The following ITGB2 variants were observed in gnomAD, a reference collection of about 807,000 sequenced individuals.
ITGB2 encodes integrin subunit beta 2, also known as integrin beta-2.
Under a neutral mutation model 86.8 loss-of-function variants are expected in ITGB2, and 56 were observed. The ratio of observed to expected loss-of-function variants is 0.65; its 90% CI spans 0.52 to 0.81. The LOEUF is 0.81. Among genes scored for constraint, ITGB2 ranks in the 30% least tolerant of loss-of-function variants. The pLI is 0.00. For missense variants in ITGB2, 948 were observed against 1,061.2 expected (o/e 0.89, Z 1.48); for synonymous variants, 457 against 450.4 (o/e 1.01, Z -0.19).
intron 1 of ITGB2, among the ~76,000 whole-genome samples, chr21:44,914,526 C>T (rs1276317564): frequency 6.6e-6 from 1 of 152,212 alleles, no homozygotes; most frequent in African/African-American, 2.4e-5. Flanking sequence ...AACATTCAGG[C>T]TCTGAGACAC....
At chr21:44,902,978 T>G (rs2083987944) in intron 5 of ITGB2, among the ~76,000 whole-genome samples, 1 of 152,228 alleles carries the variant, frequency 6.6e-6, no homozygotes, top group African/African-American at 2.4e-5. Context: ...AGCGGAGCCC[T>G]TGGCCCAGCA....
chr21:44,890,146 A>G lies in ITGB2; in HGVS notation c.1489T>C (p.Cys497Arg). Residue 497 changes from cysteine (C) to arginine (R), a missense_variant, in exon 12 of 16, where the codon TGC becomes CGC. By Grantham distance (180) the Cys-to-Arg change is radical. Coordinates refer to ENST00000652462, the MANE Select transcript of ITGB2 (RefSeq NM_000211.5). ...ATGATGGAGTTGTTGTCCTTCCGGC[A>G]GCTTCCTTCCAGCTCCTGGCTGCTC... The part of the protein sequence containing the change: ...GRSSQELEGS[C>R]RKDNNSIICS... 1.2e-6 allele frequency: 2 copies of G among 1,613,396 alleles called. No individual in the cohort carries two copies. The highest frequency in any genetic ancestry group is 1.7e-6 in the Non-Finnish European group (2 of 1,180,016).
At position 44,918,939 on chromosome 21, in the gene ITGB2, G is replaced by GTCCCCTCTCCCAGCACTCGGAGCTGAGCA. The variant is rs1568909510; in HGVS notation, c.-4+1881_-4+1882insTGCTCAGCTCCGAGTGCTGGGAGAGGGGA. 6.4e-3 allele frequency among the ~76,000 whole-genome samples: 485 copies of GTCCCCTCTCCCAGCACTCGGAGCTGAGCA among 75,200 alleles called. 5 individuals carry two copies. Among genetic ancestry groups the GTCCCCTCTCCCAGCACTCGGAGCTGAGCA allele is most frequent in the South Asian group, 0.022 (72 of 3,258 alleles). 49.3% of individuals were successfully genotyped at this position (75,200 alleles called of 152,430 possible). On this transcript the variant is annotated intron_variant, in intron 1 of 15. Transcript: ENST00000652462. ...GGCAAAGGCCCTTGGGTGGCTAAGC[G>GTCCCCTCTCCCAGCACTCGGAGCTGAGCA]TCCCCTCTCCCAGCACTCGGAGCTG...
In ITGB2 at chr21:44,910,351, T is replaced by C. The variant is rs568718880; in HGVS notation, c.80A>G (p.Lys27Arg). The stretch of plus-strand genomic sequence containing the variant: ...TTCCCGGCAGCTGCTGACCTTGAAC[T>C]TCGTGCACTCCTGAGAGAGGACTGA... ...LGCVLSQECTKFKVSSCRECI... is the reference protein window; with the variant it reads ...LGCVLSQECTRFKVSSCRECI... The change falls in exon 3 of 16, where the codon AAG (lysine) becomes AGG (arginine). Residue 27 changes from lysine (K) to arginine (R), a missense_variant. Physicochemically the swap from Lys to Arg is conservative, Grantham distance 26 (BLOSUM62 2). Transcript: ENST00000652462. 1.2e-5 allele frequency: 19 copies of C among 1,614,074 alleles called. No individual in the cohort carries two copies. In the East Asian group the frequency reaches 4.2e-4, roughly 36 times the overall value.
At chr21:44,889,568 G>A in intron 12 of ITGB2, 73 bp from the exon 13 acceptor site, 1 of 1,364,274 alleles carries the variant, frequency 7.3e-7, no homozygotes, top group Non-Finnish European at 1.0e-6. Context: ...CCCCACTGCG[G>A]TTGCTCCCTC....
intron 1 of ITGB2, among the ~76,000 whole-genome samples, chr21:44,913,607 G>A (rs1471432782): frequency 6.6e-6 from 1 of 152,310 alleles, no homozygotes; most frequent in South Asian, 2.1e-4. Context: ...CCCAATGCCA[G>A]TGGCTGAGCC....
chr21:44,908,087 A>T, intron 3 of ITGB2: 1 of 719,126 alleles, frequency 1.4e-6, no homozygotes, highest in Non-Finnish European at 2.6e-6. Flanking sequence ...GGGCCTGGCC[A>T]CCCTGCTCAG....
At chr21:44,919,288 G>A (rs983526980) in intron 1 of ITGB2, among the ~76,000 whole-genome samples, 20 of 151,904 alleles carry the variant, frequency 1.3e-4, no homozygotes, top group African/African-American at 4.9e-4. Flanking sequence ...GACGTAGCCA[G>A]GGACCTCTTC....
chr21:44,895,148 C>T, intron 8 of ITGB2, 88 bp from the exon 9 acceptor site: 1 of 960,900 alleles, frequency 1.0e-6, no homozygotes, highest in Non-Finnish European at 1.7e-6. Context: ...GGCTTCTGCA[C>T]CTGCAAAATG....
intron 1 of ITGB2, among the ~76,000 whole-genome samples, chr21:44,919,602 C>T (rs2084267895): frequency 1.3e-5 from 2 of 152,206 alleles, no homozygotes; most frequent in Admixed American, 1.3e-4. Context: ...AGCCCCCAAA[C>T]CCGCAGGCGT....
chr21:44,901,168 G>C (rs531938858), intron 6 of ITGB2, among the ~76,000 whole-genome samples: 1 of 152,192 alleles, frequency 6.6e-6, no homozygotes, highest in South Asian at 2.1e-4. Context: ...CAGGAACCAC[G>C]GGACCTGCTG....
In ITGB2 at chr21:44,893,441, G is replaced by A. The variant is rs998582323; in HGVS notation, c.1187C>T (p.Pro396Leu). The change falls in exon 10 of 16, where the codon CCC (proline) becomes CTC (leucine). Residue 396 changes from proline to leucine, a missense_variant. Coordinates refer to ENST00000652462, the MANE Select transcript of ITGB2 (RefSeq NM_000211.5). ...CSNGVTHRNQ[P>L]RGDCDGVQIN... ...CTGCACGCCATCACAGTCACCTCTGGGCTGGTTCCTGTGCGTCACTCCATT... is the reference window on the plus strand; with the variant it reads ...CTGCACGCCATCACAGTCACCTCTGAGCTGGTTCCTGTGCGTCACTCCATT... 3.7e-6 allele frequency: 6 copies of A among 1,614,016 alleles called. No individual in the cohort carries two copies. The highest frequency in any genetic ancestry group is 1.7e-5 in the Admixed American group (1 of 60,004).
Position 44,893,557 on chromosome 21 carries a change from AG to A in ITGB2, c.1084-14del. ...TGGAGGAGAGTTTCTGCGGGCAGAG[AG>A]CGGTTACTCTTGGGGGCGAGTGTTT... On this transcript the variant is annotated splice_polypyrimidine_tract_variant and intron_variant, in intron 9 of 15. Transcript: ENST00000652462. 1 of 1,613,160 alleles carries A rather than the reference AG, an allele frequency of 6.2e-7. No homozygotes were observed. The highest frequency in any genetic ancestry group is 8.5e-7 in the Non-Finnish European group (1 of 1,179,500).
At chr21:44,895,851 G>T (rs2083857469) in intron 8 of ITGB2, among the ~76,000 whole-genome samples, 1 of 132,620 alleles carries the variant, frequency 7.5e-6, no homozygotes, top group African/African-American at 3.3e-5. Context: ...AAAATGAAAT[G>T]AAATGAAATG....
Position 44,886,063 on chromosome 21 carries a change from A to G in ITGB2, c.*305T>C. 1 of 469,248 alleles carries G rather than the reference A, an allele frequency of 2.1e-6. No homozygotes were observed. The highest frequency in any genetic ancestry group is 2.3e-5 in the South Asian group (1 of 42,882). 29.1% of individuals were successfully genotyped at this position (469,248 alleles called of 1,614,324 possible). ...TACCCTGACAAGTTTAAATGTAAAT[A>G]AATTGGCACCACCTTTAATCAGACT... On this transcript the variant is annotated 3_prime_UTR_variant, in exon 16 of 16. Coordinates refer to ENST00000652462, the MANE Select transcript of ITGB2 (RefSeq NM_000211.5).
In ITGB2 at chr21:44,892,604, CAAAA is replaced by C. The variant is rs11327948; in HGVS notation, c.1225-612_1225-609del. On this transcript the variant is annotated intron_variant, in intron 10 of 15. Transcript: ENST00000652462. ...TGGGCGACAGAGCGAAACTCCATCTCAAAAAAAAAAAAAAAAAAAAAAATCCACA... is the reference window on the plus strand; with the variant it reads ...TGGGCGACAGAGCGAAACTCCATCTCAAAAAAAAAAAAAAAAAAATCCACA... Among the ~76,000 whole-genome samples, 627 of 71,140 alleles carry C rather than the reference CAAAA, an allele frequency of 8.8e-3. 4 individuals carry two copies. Among genetic ancestry groups the C allele is most frequent in the African/African-American group, 0.032 (577 of 18,272 alleles). 46.7% of individuals were successfully genotyped at this position (71,140 alleles called of 152,430 possible). A position where few individuals can be genotyped will look rare whatever the true frequency, so the allele number is the denominator to read the frequency against.
intron 1 of ITGB2, among the ~76,000 whole-genome samples, chr21:44,925,973 C>T (rs1306519615): frequency 1.3e-5 from 2 of 152,092 alleles, no homozygotes; most frequent in East Asian, 1.9e-4. Flanking sequence ...GGCATGGTGG[C>T]GGGTGCCTGT....
chr21:44,913,202 G>C (rs1472841367), intron 1 of ITGB2, among the ~76,000 whole-genome samples: 4 of 152,098 alleles, frequency 2.6e-5, no homozygotes, highest in Non-Finnish European at 5.9e-5. Context: ...GGGAGGGGGT[G>C]CAGACCTCCC....
chr21:44,896,182 A>T (rs1180731193), intron 8 of ITGB2, among the ~76,000 whole-genome samples: 1 of 152,198 alleles, frequency 6.6e-6, no homozygotes, highest in African/African-American at 2.4e-5. Context: ...TCGCAATATC[A>T]CTGGGTTGGG....
Sources: allele counts gnomAD v4.1 joint callset (sites outside exome capture counted in the v4.1 genomes callset), GRCh38; gene constraint gnomAD v4.1.1; transcripts MANE v1.5; gene names NCBI Gene and HGNC (gene_info 2026-07-23, HGNC 2026-07-21).